Variants in DAB2IP observed in about 807,000 individuals in gnomAD.
The protein encoded by DAB2IP is DAB2 interacting protein.
DAB2IP carries 28 observed loss-of-function variants against 107.2 expected under a neutral mutation model. The ratio of observed to expected loss-of-function variants is 0.26; its 90% CI spans 0.19 to 0.36. DAB2IP has a LOEUF of 0.36. Among genes scored for constraint, DAB2IP ranks in the 10% least tolerant of loss-of-function variants. The pLI is 1.00. For missense variants in DAB2IP, 1,400 were observed against 1,644.7 expected (o/e 0.85, Z 2.57); for synonymous variants, 755 against 706.4 (o/e 1.07, Z -1.09).
At position 121,678,800 on chromosome 9, in the gene DAB2IP, C is replaced by T; in HGVS notation, c.228+19C>T. The T allele has an allele frequency of 1.9e-6, 3 of 1,539,868 alleles. No homozygotes were observed. Among genetic ancestry groups the T allele is most frequent in the Non-Finnish European group, 2.6e-6 (3 of 1,137,142 alleles). On this transcript the variant is annotated intron_variant, in intron 2 of 15. Coordinates refer to ENST00000408936, the Ensembl canonical transcript of DAB2IP. The stretch of plus-strand genomic sequence containing the variant: ...GGTCACGGTAACTATCTCTGCGTCA[C>T]CAACACCGCCACTGCCACCACCATC...
At chr9:121,669,793 A>G (rs947528955) in intron 1 of DAB2IP, among the ~76,000 whole-genome samples, 1 of 152,156 alleles carries the variant, frequency 6.6e-6, no homozygotes, top group Non-Finnish European at 1.5e-5. Context: ...GTCTCACTTC[A>G]TCATGGCCTC....
Position 121,772,520 on chromosome 9 carries a change from CG to C in DAB2IP, c.2079-84del. 1 of 1,446,846 alleles carries C rather than the reference CG, an allele frequency of 6.9e-7. No individual in the cohort carries two copies. Among genetic ancestry groups the C allele is most frequent in the Non-Finnish European group, 9.4e-7 (1 of 1,060,550 alleles). The allele number at this position is 1,446,846 out of a possible 1,614,324, so 89.6% of individuals were successfully genotyped here. A position where few individuals can be genotyped will look rare whatever the true frequency, so the allele number is the denominator to read the frequency against. ...AGGCTGCCAGGCCCCGGCAGGTTGG[CG>C]GGTGCTGTCGGTTTGGACCCGCCTT... On this transcript the variant is annotated intron_variant, in intron 11 of 15. Transcript: ENST00000408936. This position sits in a 1 kb window ranked among gnomAD's most constrained non-coding sequence, Gnocchi z 4.7.
chr9:121,643,461 C>T (rs538427856), intron 1 of DAB2IP, among the ~76,000 whole-genome samples: 1 of 152,122 alleles, frequency 6.6e-6, no homozygotes, highest in East Asian at 1.9e-4. Flanking sequence ...ATCTCCCTGT[C>T]TATTCTCCCT....
upstream of DAB2IP, among the ~76,000 whole-genome samples, chr9:121,648,851 G>A (rs1832634760): frequency 6.6e-6 from 1 of 152,152 alleles, no homozygotes; most frequent in Non-Finnish European, 1.5e-5. Flanking sequence ...CTGTTGGTCT[G>A]TCACAGGAAG....
chr9:121,572,165 G>A (rs187608985), intron 1 of DAB2IP, among the ~76,000 whole-genome samples: 6 of 152,218 alleles, frequency 3.9e-5, no homozygotes, highest in Admixed American at 2.6e-4. Context: ...TGCTTTCTCC[G>A]GGTTCTTTTG....
In DAB2IP at chr9:121,599,756, C is replaced by T. The variant is rs1333677474; in HGVS notation, c.40+32528C>T. On this transcript the variant is annotated intron_variant, in intron 1 of 16. Coordinates refer to the DAB2IP transcript ENST00000259371. This position sits in a 1 kb window ranked among gnomAD's most constrained non-coding sequence, Gnocchi z 6.9. ...GATGGCAGCGCCCAGCGGCCCGGCC[C>T]GCGCGTAGAGGTAAAAGCTGGGGGC... 1.3e-5 allele frequency among the ~76,000 whole-genome samples: 2 copies of T among 151,958 alleles called. No individual in the cohort carries two copies. The highest frequency in any genetic ancestry group is 2.9e-5 in the Non-Finnish European group (2 of 67,966).
At chr9:121,779,980 T>C (rs1835483961) in intron 14 of DAB2IP, among the ~76,000 whole-genome samples, 1 of 152,178 alleles carries the variant, frequency 6.6e-6, no homozygotes, top group Non-Finnish European at 1.5e-5. Context: ...GCTCTCCTTG[T>C]TGGTTTCTGT....
At chr9:121,741,267 C>T (rs774781348) in intron 3 of DAB2IP, among the ~76,000 whole-genome samples, 7 of 152,156 alleles carry the variant, frequency 4.6e-5, no homozygotes, top group African/African-American at 7.2e-5. Context: ...CTGCAACAGG[C>T]GTGTAGGGTG....
At chr9:121,718,113 C>T (rs1830708461) in intron 3 of DAB2IP, among the ~76,000 whole-genome samples, 1 of 152,156 alleles carries the variant, frequency 6.6e-6, no homozygotes, top group Admixed American at 6.5e-5. Context: ...AGCGACCCAT[C>T]CTCAGTCCCT....
At chr9:121,637,926 G>A (rs1832146887) in intron 1 of DAB2IP, among the ~76,000 whole-genome samples, 1 of 152,134 alleles carries the variant, frequency 6.6e-6, no homozygotes, top group Non-Finnish European at 1.5e-5. Context: ...TGTGAGCCTG[G>A]CAGGTTCATG....
chr9:121,621,779 T>TGGGATTATA (rs1468270326), intron 1 of DAB2IP, among the ~76,000 whole-genome samples: 5 of 148,720 alleles, frequency 3.4e-5, no homozygotes, highest in African/African-American at 9.9e-5. Context: ...CCCAAGTAGG[T>TGGGATTATA]GGGATTATAA....
intron 6 of DAB2IP, among the ~76,000 whole-genome samples, chr9:121,762,794 A>T (rs763811092): frequency 8.5e-5 from 13 of 152,136 alleles, no homozygotes; most frequent in Non-Finnish European, 1.6e-4. Flanking sequence ...GGGTGTTAGT[A>T]TCTGCATGGT....
chr9:121,672,146 G>C (rs1402745832), intron 1 of DAB2IP, among the ~76,000 whole-genome samples: 1 of 152,040 alleles, frequency 6.6e-6, no homozygotes. Context: ...TTAAATTCTG[G>C]ACTGGTCTAG....
At chr9:121,709,458 T>C (rs1475108377) in intron 3 of DAB2IP, among the ~76,000 whole-genome samples, 1 of 152,210 alleles carries the variant, frequency 6.6e-6, no homozygotes, top group African/African-American at 2.4e-5. Context: ...AGCTCATTCT[T>C]ACTATAGCCC....
chr9:121,594,844 T>C (rs1051638821), intron 1 of DAB2IP, among the ~76,000 whole-genome samples: 3 of 152,338 alleles, frequency 2.0e-5, no homozygotes, highest in South Asian at 4.1e-4. Context: ...GTGGGAACCC[T>C]CTGCTTTCCA....
intron 1 of DAB2IP, among the ~76,000 whole-genome samples, chr9:121,618,005 T>A (rs963797723): frequency 6.6e-6 from 1 of 152,184 alleles, no homozygotes. Context: ...TTTGTCACAT[T>A]GGGATCACCT....
At chr9:121,758,397 A>G (rs1271405803) in intron 4 of DAB2IP, among the ~76,000 whole-genome samples, 1 of 152,122 alleles carries the variant, frequency 6.6e-6, no homozygotes, top group Non-Finnish European at 1.5e-5. Flanking sequence ...TTATATTACC[A>G]TTGTTGTCAC....
intron 2 of DAB2IP, among the ~76,000 whole-genome samples, chr9:121,686,815 C>T (rs995732638): frequency 6.6e-6 from 1 of 152,206 alleles, no homozygotes; most frequent in African/African-American, 2.4e-5. Flanking sequence ...GGTGCACCTC[C>T]ACCCCACATT....
chr9:121,643,925 T>C (rs1014937515), intron 1 of DAB2IP, among the ~76,000 whole-genome samples: 2 of 152,202 alleles, frequency 1.3e-5, no homozygotes, highest in African/African-American at 4.8e-5. Context: ...CCCAGTGCTT[T>C]GGGACAATAA....
Sources: gnomAD v4.1 joint callset for allele counts (sites outside exome capture counted in the v4.1 genomes callset) on GRCh38, gnomAD v4.1.1 for gene constraint, Gnocchi (gnomAD v3.1) non-coding constraint, MANE v1.5 for transcripts, NCBI Gene and HGNC (gene_info 2026-07-23, HGNC 2026-07-21) for gene names.